RSRC1: variants seen among roughly 807,000 people sequenced by gnomAD.
The protein encoded by RSRC1 is serine/Arginine-related protein 53.
Under a neutral mutation model 49.1 loss-of-function variants are expected in RSRC1, and 39 were observed. The ratio of observed to expected loss-of-function variants is 0.79; its 90% CI spans 0.61 to 1.04. The LOEUF (loss-of-function observed/expected upper bound fraction) is 1.04. Among genes scored for constraint, RSRC1 ranks in the 50% least tolerant of loss-of-function variants. RSRC1 has a pLI of 0.00. For missense variants in RSRC1, 388 were observed against 402.4 expected, an observed-to-expected ratio of 0.96 and a Z score of 0.31; for synonymous variants, 143 against 130.8, an observed-to-expected ratio of 1.09 and a Z score of -0.63.
chr3:158,280,637 CTTTTTTTTT>C (rs146925471), intron 4 of RSRC1, among the ~76,000 whole-genome samples: 7 of 64,014 alleles, frequency 1.1e-4, no homozygotes, highest in Admixed American at 2.2e-4. Flanking sequence ...GAAGTGATTC[CTTTTTTTTT>C]TTTTTTTTTT....
chr3:158,422,392 A>G (rs1423588863), intron 6 of RSRC1, among the ~76,000 whole-genome samples: 1 of 151,794 alleles, frequency 6.6e-6, no homozygotes, highest in Non-Finnish European at 1.5e-5. Context: ...ATGTCCCTAC[A>G]AAGGACGTGA....
chr3:158,509,208 C>T (rs902454866), intron 7 of RSRC1, among the ~76,000 whole-genome samples: 7 of 152,128 alleles, frequency 4.6e-5, no homozygotes, highest in Non-Finnish European at 1.0e-4. Flanking sequence ...ATTATTTTTG[C>T]ATGTGGATTA....
intron 7 of RSRC1, among the ~76,000 whole-genome samples, chr3:158,475,816 G>T (rs1406989266): frequency 6.6e-6 from 1 of 151,948 alleles, no homozygotes; most frequent in Non-Finnish European, 1.5e-5. Context: ...CCTTACAGTG[G>T]CCTCTAAGTG....
At chr3:158,124,831 T>G (rs1035929790) in intron 3 of RSRC1, among the ~76,000 whole-genome samples, 62 of 150,978 alleles carry the variant, frequency 4.1e-4, no homozygotes, top group African/African-American at 1.5e-3. Flanking sequence ...TTTTTTTTTT[T>G]TTTTGGAGGT....
rs558906844 is a variant in RSRC1, at chr3:158,417,758, A to G, written c.584-43177A>G. On this transcript the variant is annotated intron_variant, in intron 6 of 9. Transcript: ENST00000611884. ...TTTATTAATCAGTTCTTATTTATTA[A>G]TATATATCCTATATATTATTTTATC... Among the ~76,000 whole-genome samples the G allele has an allele frequency of 1.3e-4, 20 of 150,852 alleles. No homozygotes were observed. The South Asian group carries it at 4.2e-3, about 31-fold the overall frequency.
intron 6 of RSRC1, among the ~76,000 whole-genome samples, chr3:158,377,975 T>C (rs746049653): frequency 6.6e-6 from 1 of 152,168 alleles, no homozygotes; most frequent in Non-Finnish European, 1.5e-5. Flanking sequence ...TATTCCTTTA[T>C]AGCAAGGCAA....
At chr3:158,421,199 A>T (rs1735029936) in intron 6 of RSRC1, among the ~76,000 whole-genome samples, 2 of 151,932 alleles carry the variant, frequency 1.3e-5, no homozygotes, top group African/African-American at 4.8e-5. Flanking sequence ...GGATTGACTC[A>T]TAAGGAGTAA....
At chr3:158,530,482 A>G (rs2108499358) in intron 7 of RSRC1, among the ~76,000 whole-genome samples, 1 of 151,788 alleles carries the variant, frequency 6.6e-6, no homozygotes, top group South Asian at 2.1e-4. Flanking sequence ...TTACTTGTTT[A>G]TTATTTGTCT....
chr3:158,387,666 T>C (rs1332193463), intron 6 of RSRC1, among the ~76,000 whole-genome samples: 2 of 152,178 alleles, frequency 1.3e-5, no homozygotes, highest in African/African-American at 4.8e-5. Flanking sequence ...CTTACAAGTA[T>C]TGGTATGGTT....
chr3:158,446,782 C>T (rs1736744404), intron 6 of RSRC1, among the ~76,000 whole-genome samples: 2 of 151,980 alleles, frequency 1.3e-5, no homozygotes, highest in African/African-American at 4.8e-5. Context: ...TGTGAAAGAA[C>T]AGAACGTGCC....
chr3:158,273,748 A>G lies in RSRC1; in HGVS notation c.495-24291A>G, dbSNP rs547156391. Among the ~76,000 whole-genome samples the G allele has an allele frequency of 1.9e-3, 283 of 152,248 alleles. 1 individual carries two copies. Among genetic ancestry groups the G allele is most frequent in the Non-Finnish European group, 3.5e-3 (236 of 67,974 alleles). On this transcript the variant is annotated intron_variant, in intron 4 of 9. Coordinates refer to ENST00000611884, the MANE Select transcript of RSRC1 (RefSeq NM_001271838.2). Reference sequence around the variant, plus strand: ...TACTTTCTTTGAGTTAAAACATGATAATAATCTTGGAGGGAAAATATGTAG... The same window carrying G: ...TACTTTCTTTGAGTTAAAACATGATGATAATCTTGGAGGGAAAATATGTAG...
intron 4 of RSRC1, among the ~76,000 whole-genome samples, chr3:158,278,309 T>C (rs555459454): frequency 6.6e-6 from 1 of 152,328 alleles, no homozygotes; most frequent in Admixed American, 6.5e-5. Flanking sequence ...TTTCGTAGAC[T>C]TACATTTTCA....
chr3:158,194,653 C>G (rs997551462), intron 3 of RSRC1, among the ~76,000 whole-genome samples: 1 of 125,676 alleles, frequency 8.0e-6, no homozygotes, highest in Non-Finnish European at 1.7e-5. Context: ...CCCCTCCCCC[C>G]ACCCCACAAC....
chr3:158,426,636 T>C (rs1398618158), intron 6 of RSRC1, among the ~76,000 whole-genome samples: 3 of 151,700 alleles, frequency 2.0e-5, no homozygotes, highest in African/African-American at 7.2e-5. Flanking sequence ...GTTTTTAGTA[T>C]GTTTGAAATA....
At chr3:158,265,492 G>A (rs768835988) in intron 4 of RSRC1, among the ~76,000 whole-genome samples, 11 of 152,124 alleles carry the variant, frequency 7.2e-5, no homozygotes, top group Admixed American at 2.0e-4. Context: ...TTAGCCGGGC[G>A]TGGTAACGGA....
intron 3 of RSRC1, among the ~76,000 whole-genome samples, chr3:158,175,558 G>T (rs1000501548): frequency 2.0e-5 from 3 of 151,742 alleles, no homozygotes; most frequent in African/African-American, 7.3e-5. Flanking sequence ...CTGTTCTCTA[G>T]GGCTATCATT....
chr3:158,251,396 ATTGCT>A (rs2108013738), intron 4 of RSRC1, among the ~76,000 whole-genome samples: 1 of 152,110 alleles, frequency 6.6e-6, no homozygotes, highest in East Asian at 1.9e-4. Context: ...AAATCTGTAG[ATTGCT>A]TTGGGTAGTA....
chr3:158,213,756 G>T (rs1286662069), intron 4 of RSRC1, among the ~76,000 whole-genome samples: 3 of 151,820 alleles, frequency 2.0e-5, no homozygotes, highest in Admixed American at 6.6e-5. Context: ...ATAAAGGAGG[G>T]CATTCTACAT....
chr3:158,479,145 A>G (rs1403161130), intron 7 of RSRC1, among the ~76,000 whole-genome samples: 1 of 150,896 alleles, frequency 6.6e-6, no homozygotes, highest in African/African-American at 2.4e-5. Context: ...TGCCTTGTGG[A>G]CACAGTGATC....
Sources: allele counts gnomAD v4.1 joint callset (sites outside exome capture counted in the v4.1 genomes callset), GRCh38; gene constraint gnomAD v4.1.1; transcripts MANE v1.5; gene names NCBI Gene and HGNC (gene_info 2026-07-23, HGNC 2026-07-21).